Variants in DCC observed in about 807,000 individuals in gnomAD.
DCC encodes the protein netrin receptor DCC.
DCC carries 58 observed loss-of-function variants against 172.5 expected under a neutral mutation model. The observed-to-expected ratio is 0.34, with a 90% CI of 0.27 to 0.42. DCC has a LOEUF of 0.42. Among genes scored for constraint, DCC ranks in the 10% least tolerant of loss-of-function variants. The pLI, the probability that DCC is intolerant of heterozygous loss-of-function variation, is 1.00. For missense variants in DCC, 1,740 were observed against 1,791.0 expected (o/e 0.97, Z 0.51); for synonymous variants, 709 against 644.5 (o/e 1.10, Z -1.52).
chr18:53,385,588 A>C (rs1187845597), intron 15 of DCC, among the ~76,000 whole-genome samples: 1 of 152,172 alleles, frequency 6.6e-6, no homozygotes, highest in Non-Finnish European at 1.5e-5. Context: ...TTGAGTGTTT[A>C]AATTTGTTGT....
rs558806609 is a variant in DCC, at chr18:53,397,815, T to A, written c.2827+369T>A. On this transcript the variant is annotated intron_variant, in intron 18 of 28. Transcript: ENST00000442544. ...ATTGTCATGGTAGGTATTTCTCATT[T>A]TGAAAAAAAGAAAAATAGATGCAAA... is the stretch of plus-strand genomic sequence containing the variant. Among the ~76,000 whole-genome samples, 3 of 152,208 alleles carry A rather than the reference T, an allele frequency of 2.0e-5. No individual in the cohort carries two copies. The South Asian group carries it at 6.2e-4, about 32-fold the overall frequency.
intron 1 of DCC, among the ~76,000 whole-genome samples, chr18:52,527,404 G>A (rs967710920): frequency 1.3e-5 from 2 of 152,202 alleles, no homozygotes; most frequent in East Asian, 1.9e-4. Context: ...CCACCAATGA[G>A]CAATTTGTTG....
At chr18:53,226,914 C>CTATG (rs1555734392) in intron 12 of DCC, among the ~76,000 whole-genome samples, 1 of 103,676 alleles carries the variant, frequency 9.6e-6, no homozygotes, top group African/African-American at 4.1e-5. Flanking sequence ...AATAGTGTAA[C>CTATG]TGTGTGTGTG....
intron 1 of DCC, among the ~76,000 whole-genome samples, chr18:52,377,520 A>G (rs575395593): frequency 1.3e-5 from 2 of 152,280 alleles, no homozygotes; most frequent in Admixed American, 6.5e-5. Context: ...TTTCACTGCT[A>G]GCATTTAGAT....
At chr18:53,019,238 G>A (rs1457774684) in intron 5 of DCC, among the ~76,000 whole-genome samples, 1 of 152,000 alleles carries the variant, frequency 6.6e-6, no homozygotes, top group Admixed American at 6.6e-5. Flanking sequence ...TGAACCTATG[G>A]CTCTGATAAT....
chr18:52,787,238 T>G (rs2037676748), intron 2 of DCC, among the ~76,000 whole-genome samples: 1 of 152,148 alleles, frequency 6.6e-6, no homozygotes, highest in Non-Finnish European at 1.5e-5. Flanking sequence ...TTTCAGTTCT[T>G]CATAAGTCCC....
intron 1 of DCC, among the ~76,000 whole-genome samples, chr18:52,619,023 C>T (rs543456837): frequency 9.2e-5 from 14 of 152,252 alleles, no homozygotes; most frequent in East Asian, 1.9e-4. Context: ...CTGCAACCTC[C>T]GCCTCCCAGG....
chr18:52,493,824 G>A (rs1024065161), intron 1 of DCC, among the ~76,000 whole-genome samples: 7 of 151,956 alleles, frequency 4.6e-5, no homozygotes, highest in African/African-American at 1.7e-4. Flanking sequence ...ATACTTTACT[G>A]CATTTACCCT....
intron 3 of DCC, among the ~76,000 whole-genome samples, chr18:52,912,152 C>T (rs2039979585): frequency 1.3e-5 from 2 of 152,062 alleles, no homozygotes; most frequent in Admixed American, 1.3e-4. Flanking sequence ...CTTGGTTTCA[C>T]CACCTGGTAA....
intron 1 of DCC, among the ~76,000 whole-genome samples, chr18:52,704,655 C>T (rs528814063): frequency 5.3e-5 from 8 of 152,308 alleles, no homozygotes; most frequent in African/African-American, 1.9e-4. Context: ...CAACCACCAG[C>T]TATCAGCCAT....
At chr18:53,069,218 T>C (rs2042618890) in intron 7 of DCC, among the ~76,000 whole-genome samples, 1 of 152,050 alleles carries the variant, frequency 6.6e-6, no homozygotes, top group Non-Finnish European at 1.5e-5. Context: ...AGAAGAGGGG[T>C]TAATCAGAAG....
chr18:52,709,190 T>C (rs36016312), intron 1 of DCC, among the ~76,000 whole-genome samples: 9,274 of 152,188 alleles, frequency 0.061, 448 homozygotes, highest in East Asian at 0.24. Context: ...GTATAAATAA[T>C]GAGTTCAAGG....
At chr18:52,357,427 A>G (rs1984418358) in intron 1 of DCC, among the ~76,000 whole-genome samples, 1 of 152,212 alleles carries the variant, frequency 6.6e-6, no homozygotes, top group African/African-American at 2.4e-5. Context: ...CAACAATTTG[A>G]GCAAGAAAAT....
At chr18:52,517,534 C>A (rs1446873575) in intron 1 of DCC, among the ~76,000 whole-genome samples, 1 of 152,192 alleles carries the variant, frequency 6.6e-6, no homozygotes, top group Non-Finnish European at 1.5e-5. Flanking sequence ...ATCTAAACAT[C>A]CAAGTTGTAC....
At chr18:52,752,874 T>G (rs2037019075) in intron 2 of DCC, among the ~76,000 whole-genome samples, 1 of 152,160 alleles carries the variant, frequency 6.6e-6, no homozygotes, top group Non-Finnish European at 1.5e-5. Context: ...GTGCCTGGCA[T>G]GTTTCCCTTA....
intron 2 of DCC, among the ~76,000 whole-genome samples, chr18:52,879,051 C>A (rs2039442474): frequency 6.6e-6 from 1 of 152,174 alleles, no homozygotes; most frequent in African/African-American, 2.4e-5. Context: ...AAAAGACTCC[C>A]ATGCTTAAAC....
At chr18:52,529,985 A>T (rs2032099465) in intron 1 of DCC, among the ~76,000 whole-genome samples, 1 of 152,138 alleles carries the variant, frequency 6.6e-6, no homozygotes, top group Non-Finnish European at 1.5e-5. Flanking sequence ...TAAAACAAAA[A>T]TCTCTACTAG....
At chr18:53,484,968 A>T (rs2045884468) in intron 25 of DCC, among the ~76,000 whole-genome samples, 1 of 152,072 alleles carries the variant, frequency 6.6e-6, no homozygotes, top group African/African-American at 2.4e-5. Flanking sequence ...AGAGAATGAA[A>T]CAGTGGTTCC....
At chr18:52,843,553 C>G in intron 2 of DCC, among the ~76,000 whole-genome samples, 1 of 152,170 alleles carries the variant, frequency 6.6e-6, no homozygotes, top group East Asian at 1.9e-4. Context: ...TATTAAAACT[C>G]ATAATTAAAT....
Sources: allele counts gnomAD v4.1 joint callset (sites outside exome capture counted in the v4.1 genomes callset), GRCh38; gene constraint gnomAD v4.1.1; transcripts MANE v1.5; gene names NCBI Gene and HGNC (gene_info 2026-07-23, HGNC 2026-07-21).